MCPH1: variants seen among roughly 807,000 people sequenced by gnomAD.
MCPH1 encodes the protein microcephalin.
MCPH1 carries 104 observed loss-of-function variants against 84.5 expected under a neutral mutation model. The ratio of observed to expected loss-of-function variants is 1.23; its 90% confidence interval spans 1.05 to 1.45. MCPH1 has a LOEUF of 1.45. MCPH1 is among the 40% of genes most tolerant of loss of function. The pLI is 0.00. For missense variants in MCPH1, 1,498 were observed against 1,005.7 expected (o/e 1.49, Z -6.62); for synonymous variants, 514 against 366.8 (o/e 1.40, Z -4.58).
chr8:6,640,576 T>G (rs1227309753), intron 13 of MCPH1, among the ~76,000 whole-genome samples: 1 of 152,224 alleles, frequency 6.6e-6, no homozygotes, highest in Non-Finnish European at 1.5e-5. Flanking sequence ...ACAGCAATGT[T>G]TACATAATAT....
chr8:6,440,586 G>A (rs1585779326), intron 6 of MCPH1, among the ~76,000 whole-genome samples: 1 of 152,152 alleles, frequency 6.6e-6, no homozygotes, highest in Non-Finnish European at 1.5e-5. Flanking sequence ...GTCACCAGTT[G>A]TTTATAAGAA....
intron 12 of MCPH1, among the ~76,000 whole-genome samples, chr8:6,619,812 C>T (rs1831220996): frequency 6.6e-6 from 1 of 152,054 alleles, no homozygotes. Context: ...TCTTGATCTC[C>T]TGACCTTGTG....
Position 6,509,038 on chromosome 8 carries a change from C to T in MCPH1, c.2214+9109C>T. The T allele has an allele frequency of 3.1e-6, 5 of 1,614,086 alleles. No homozygotes were observed. The South Asian group carries it at 5.5e-5, about 18-fold the overall frequency. On this transcript the variant is annotated intron_variant, in intron 12 of 13. Transcript: ENST00000344683. The stretch of plus-strand genomic sequence containing the variant: ...TGATGCTGCTTATTTTGCCGGCTGT[C>T]CCTGTAAGTCCTTTAAGGTGAATCC...
chr8:6,626,485 T>C (rs1394780410), intron 13 of MCPH1: 2 of 983,414 alleles, frequency 2.0e-6, no homozygotes, highest in African/African-American at 3.5e-5. Flanking sequence ...TTTTTTTTTT[T>C]TTTTTTGCGT....
At chr8:6,529,027 A>G (rs1004808316) in intron 12 of MCPH1, among the ~76,000 whole-genome samples, 1 of 152,236 alleles carries the variant, frequency 6.6e-6, no homozygotes, top group Non-Finnish European at 1.5e-5. Context: ...GGAACTGGAA[A>G]ATTGTGTCCT....
chr8:6,482,267 T>C (rs1809339201), intron 11 of MCPH1, among the ~76,000 whole-genome samples: 1 of 152,228 alleles, frequency 6.6e-6, no homozygotes, highest in African/African-American at 2.4e-5. Context: ...AAAAATGGTA[T>C]GCTGACGTAG....
At chr8:6,412,364 T>A (rs1798658489) in intron 2 of MCPH1, among the ~76,000 whole-genome samples, 1 of 152,356 alleles carries the variant, frequency 6.6e-6, no homozygotes, top group South Asian at 2.1e-4. Flanking sequence ...AGATCTTAGA[T>A]CTTTTAGAAC....
At chr8:6,407,894 C>G (rs775005240) in intron 1 of MCPH1, among the ~76,000 whole-genome samples, 4 of 152,072 alleles carry the variant, frequency 2.6e-5, no homozygotes, top group Non-Finnish European at 5.9e-5. Context: ...AAAAAAAGGT[C>G]AAATGAAAAA....
chr8:6,412,688 A>T (rs1015646213), intron 2 of MCPH1, among the ~76,000 whole-genome samples: 4 of 152,158 alleles, frequency 2.6e-5, no homozygotes, highest in African/African-American at 4.8e-5. Context: ...ACTAAATTTG[A>T]TAAAAGCCTT....
intron 2 of MCPH1, 140 bp downstream of exon 2, chr8:6,409,510 A>G (rs1798242686): frequency 1.4e-6 from 1 of 705,672 alleles, no homozygotes; most frequent in Non-Finnish European, 2.5e-6. Context: ...AAAAGAGCCA[A>G]AGTGTGAAGA....
intron 6 of MCPH1, among the ~76,000 whole-genome samples, chr8:6,439,669 C>G (rs1803221659): frequency 1.3e-5 from 2 of 152,218 alleles, no homozygotes; most frequent in East Asian, 3.9e-4. Flanking sequence ...ACGGCTGGGA[C>G]TGTAATCCAG....
In MCPH1 at chr8:6,496,263, A is replaced by G. The variant is rs550665086; in HGVS notation, c.2137-3589A>G. 1.3e-4 allele frequency among the ~76,000 whole-genome samples: 20 copies of G among 152,280 alleles called. 1 individual carries two copies. In the South Asian group the frequency reaches 4.2e-3, roughly 32 times the overall value. On this transcript the variant is annotated intron_variant, in intron 11 of 13. Transcript: ENST00000344683. ...CCTAGATCCCTCATCTGCACAGTTC[A>G]CAATAGGGTTCGCAATTCTATGAGA...
intron 12 of MCPH1, among the ~76,000 whole-genome samples, chr8:6,540,872 C>A (rs561857971): frequency 2.0e-5 from 3 of 152,254 alleles, no homozygotes; most frequent in African/African-American, 4.8e-5. Context: ...GCCACCGCCG[C>A]GCTGGCTGGT....
At chr8:6,557,843 T>C (rs1460309589) in intron 12 of MCPH1, among the ~76,000 whole-genome samples, 3 of 152,122 alleles carry the variant, frequency 2.0e-5, no homozygotes, top group Non-Finnish European at 4.4e-5. Context: ...ATTGTATGCA[T>C]CCTCTAGATC....
At chr8:6,536,250 T>A (rs555249637) in intron 12 of MCPH1, among the ~76,000 whole-genome samples, 20 of 152,176 alleles carry the variant, frequency 1.3e-4, no homozygotes, top group Non-Finnish European at 2.6e-4. Context: ...TACTGTTTCT[T>A]GGTTGCCGGC....
chr8:6,555,879 C>T (rs895099848), intron 12 of MCPH1, among the ~76,000 whole-genome samples: 3 of 152,130 alleles, frequency 2.0e-5, no homozygotes, highest in African/African-American at 7.2e-5. Context: ...AGGATATTCC[C>T]AGTTGCTTGT....
intron 12 of MCPH1, among the ~76,000 whole-genome samples, chr8:6,529,527 C>A (rs956857902): frequency 1.3e-5 from 2 of 150,920 alleles, no homozygotes; most frequent in Admixed American, 6.6e-5. Context: ...TATCTGTTCA[C>A]TACAGACTCT....
intron 12 of MCPH1, among the ~76,000 whole-genome samples, chr8:6,510,353 G>A (rs1814794422): frequency 6.6e-6 from 1 of 152,126 alleles, no homozygotes; most frequent in African/African-American, 2.4e-5. Flanking sequence ...AGCAAATCCT[G>A]CAATGGTGGC....
intron 12 of MCPH1, among the ~76,000 whole-genome samples, chr8:6,565,745 A>G (rs1190893967): frequency 6.6e-6 from 1 of 152,236 alleles, no homozygotes; most frequent in African/African-American, 2.4e-5. Flanking sequence ...CTAATAGTGT[A>G]TGGAGAGGGA....
Sources: gnomAD v4.1 joint callset for allele counts (sites outside exome capture counted in the v4.1 genomes callset) on GRCh38, gnomAD v4.1.1 for gene constraint, MANE v1.5 for transcripts, NCBI Gene and HGNC (gene_info 2026-07-23, HGNC 2026-07-21) for gene names.